SETD5: variants seen among roughly 807,000 people sequenced by gnomAD.
The protein encoded by SETD5 is SET domain containing 5.
A neutral mutation model predicts 153.3 loss-of-function variants in SETD5; 44 were observed. The ratio of observed to expected loss-of-function variants is 0.29; its 90% CI spans 0.23 to 0.37. The LOEUF (loss-of-function observed/expected upper bound fraction) is 0.37, where lower values mean the gene tolerates loss of function less well. SETD5 is among the 10% of genes least tolerant of loss of function. The pLI, the probability that SETD5 is intolerant of heterozygous loss-of-function variation, is 1.00. For synonymous variants in SETD5, 716 were observed against 645.2 expected, an observed-to-expected ratio of 1.11 and a Z score of -1.66; for missense variants, 1,544 against 1,768.0, an observed-to-expected ratio of 0.87 and a Z score of 2.27.
chr3:9,412,387 GTTTT>G (rs370566998), intron 1 of SETD5, among the ~76,000 whole-genome samples: 32 of 89,540 alleles, frequency 3.6e-4, no homozygotes, highest in South Asian at 9.2e-4. Context: ...ACAGTTTTGG[GTTTT>G]TTTTTTTTTT....
rs565818481 is a variant in SETD5, at chr3:9,448,926, G to C, written c.2346+296G>C. Among the ~76,000 whole-genome samples the C allele has an allele frequency of 2.2e-4, 33 of 152,240 alleles. 1 individual carries two copies. In the South Asian group the frequency reaches 5.8e-3, roughly 27 times the overall value. On this transcript the variant is annotated intron_variant, in intron 16 of 22. Coordinates refer to ENST00000402198, the MANE Select transcript of SETD5 (RefSeq NM_001080517.3). ...GAGAGCACACAGCAGTGGATGACTG[G>C]GTAGAGACGGATATGTTTTGTGTGT...
intron 2 of SETD5, among the ~76,000 whole-genome samples, chr3:9,425,054 T>G (rs539045637): frequency 5.5e-4 from 80 of 145,258 alleles, no homozygotes; most frequent in African/African-American, 2.1e-3. Context: ...CGACAATGTT[T>G]CTTTTTTTTT....
At chr3:9,440,418 A>T (rs779641574) in intron 7 of SETD5, 38 bp from the exon 8 acceptor site, 2 of 1,129,678 alleles carry the variant, frequency 1.8e-6, no homozygotes, top group East Asian at 4.7e-5. Context: ...CTATTTATGC[A>T]TGGACTTTAC....
At chr3:9,412,249 G>A (rs924605064) in intron 1 of SETD5, among the ~76,000 whole-genome samples, 2 of 151,852 alleles carry the variant, frequency 1.3e-5, no homozygotes, top group Non-Finnish European at 2.9e-5. Flanking sequence ...GTTGTAGAGT[G>A]CTATAAGGAA....
rs978355562 is a variant in SETD5, at chr3:9,434,930, G to A, written c.388+48G>A. ...CCACAATTTGACATAAAAATATTCTGTGATCTGAATGTTCATTTTAAGAAC... is the reference window on the plus strand; with the variant it reads ...CCACAATTTGACATAAAAATATTCTATGATCTGAATGTTCATTTTAAGAAC... On this transcript the variant is annotated intron_variant, in intron 6 of 22. Coordinates refer to ENST00000402198, the MANE Select transcript of SETD5 (RefSeq NM_001080517.3). This position sits in a 1 kb window ranked among gnomAD's most constrained non-coding sequence, Gnocchi z 5.6. 6 of 1,590,862 alleles carry A rather than the reference G, an allele frequency of 3.8e-6. No individual in the cohort carries two copies. Among genetic ancestry groups the A allele is most frequent in the South Asian group, 1.1e-5 (1 of 87,386 alleles).
In SETD5 at chr3:9,447,234, C is replaced by G. The variant is rs761655087; in HGVS notation, c.1709C>G (p.Ser570Cys). The G allele has an allele frequency of 6.2e-7, 1 of 1,614,050 alleles. No individual in the cohort carries two copies. The highest frequency in any genetic ancestry group is 1.7e-5 in the Admixed American group (1 of 60,034). Residue 570 changes from serine to cysteine, a missense_variant, in exon 14 of 23, where the codon TCT (serine) becomes TGT (cysteine). By Grantham distance (112) the Ser-to-Cys change is moderately radical. Around this residue, in one of 9 missense-constraint regions of SETD5, gnomAD observed 782 missense variants for 787.2 expected, o/e 0.99. Coordinates refer to ENST00000402198, the MANE Select transcript of SETD5 (RefSeq NM_001080517.3). ...GCCCCTGAATCTGAAGTTAGCAACT[C>G]TGTTTCAAATGTTACCATCCCAAGC... ...TEAPESEVSN[S>C]VSNVTIPSTP...
intron 7 of SETD5, among the ~76,000 whole-genome samples, chr3:9,439,670 G>A (rs1217732504): frequency 6.6e-6 from 1 of 152,188 alleles, no homozygotes; most frequent in East Asian, 1.9e-4. Context: ...CTGTTCCTGA[G>A]TTGTAGTAAT....
At chr3:9,463,750 A>G (rs1334756226) in intron 17 of SETD5, among the ~76,000 whole-genome samples, 2 of 152,264 alleles carry the variant, frequency 1.3e-5, no homozygotes, top group Admixed American at 6.5e-5. Context: ...ATTTGGATTT[A>G]GCATCCCAGT....
intron 22 of SETD5, 43 bp from the exon 23 acceptor site, chr3:9,475,440 G>A (rs201649612): frequency 4.1e-5 from 65 of 1,571,854 alleles, no homozygotes; most frequent in Non-Finnish European, 7.8e-6. Context: ...CCATTTAAGG[G>A]ACTTGTTCGC....
intron 20 of SETD5, 143 bp downstream of exon 20, chr3:9,473,680 G>C: frequency 1.2e-6 from 1 of 843,914 alleles, no homozygotes. Context: ...CATCTGTCCT[G>C]TTCAGCTGAT....
intron 3 of SETD5, chr3:9,431,300 T>C (rs2039936274): frequency 2.0e-6 from 2 of 985,298 alleles, no homozygotes; most frequent in East Asian, 1.1e-4. Flanking sequence ...ATGTTGTACT[T>C]AGAACACTGT....
chr3:9,474,778 C>A, intron 21 of SETD5, 196 bp downstream of exon 21: 1 of 724,566 alleles, frequency 1.4e-6, no homozygotes, highest in Non-Finnish European at 2.2e-6. Context: ...TCTCTGTCTG[C>A]TCTTTTTTCC....
rs1340730852 is a variant in SETD5, at chr3:9,470,002, T to TC, written c.2725-451dup. The stretch of plus-strand genomic sequence containing the variant: ...TTCTCCTTCCTCCACCTTTTTCCCT[T>TC]CCCCCCACCTTCCATCAATATTAAT... On this transcript the variant is annotated intron_variant, in intron 18 of 22. Transcript: ENST00000402198. 4.6e-5 allele frequency among the ~76,000 whole-genome samples: 7 copies of TC among 152,086 alleles called. No individual in the cohort carries two copies. The South Asian group carries it at 6.2e-4, about 14-fold the overall frequency.
intron 3 of SETD5, chr3:9,429,253 G>A (rs1359535857): frequency 7.3e-6 from 2 of 273,862 alleles, no homozygotes; most frequent in South Asian, 7.1e-5. Context: ...TTGCAAAGTA[G>A]GAATTCATTT....
At chr3:9,409,410 T>G (rs2036215727) in intron 1 of SETD5, among the ~76,000 whole-genome samples, 1 of 152,218 alleles carries the variant, frequency 6.6e-6, no homozygotes, top group Non-Finnish European at 1.5e-5. Context: ...TATTATTGTG[T>G]ACTCATGGTT....
chr3:9,441,858 T>G, intron 9 of SETD5, 117 bp downstream of exon 9: 3 of 1,258,238 alleles, frequency 2.4e-6, no homozygotes, highest in Non-Finnish European at 2.3e-6. Flanking sequence ...ACAACTCAGA[T>G]AAGCTCACAC....
At position 9,464,618 on chromosome 3, in the gene SETD5, A is replaced by G. The variant is rs1444734288; in HGVS notation, c.2670A>G (p.Ser890=). Residue 890 remains serine, a synonymous_variant, in exon 18 of 23, where the codon TCA becomes TCG. Transcript: ENST00000402198. The part of the protein sequence containing the change: ...ECRNGYSLMF[S]PVTSLTTASR... ...GAAATGGATACAGCCTCATGTTTTC[A>G]CCAGTCACATCTCTTACTACTGCTA... The G allele has an allele frequency of 1.2e-6, 2 of 1,613,800 alleles. No individual in the cohort carries two copies. Among genetic ancestry groups the G allele is most frequent in the African/African-American group, 2.7e-5 (2 of 74,882 alleles).
At chr3:9,444,699 TAG>T (rs1037563143) in intron 11 of SETD5, among the ~76,000 whole-genome samples, 13 of 151,636 alleles carry the variant, frequency 8.6e-5, no homozygotes, top group African/African-American at 3.2e-4. Flanking sequence ...AAGACCAGCC[TAG>T]ACAACATGGC....
At position 9,420,669 on chromosome 3, in the gene SETD5, T is replaced by G. The variant is rs2038235025; in HGVS notation, c.-176-3798T>G. 2.0e-5 allele frequency among the ~76,000 whole-genome samples: 3 copies of G among 152,326 alleles called. No individual in the cohort carries two copies. The South Asian group carries it at 6.2e-4, about 32-fold the overall frequency. ...TTTTTTCCTTTCAGTCCCGAACCCC[T>G]AAAATTCTTTGCTTGCATTAACTTG... On this transcript the variant is annotated intron_variant, in intron 1 of 22. Transcript: ENST00000402198.
Sources: gnomAD v4.1 joint callset for allele counts (sites outside exome capture counted in the v4.1 genomes callset) on GRCh38, gnomAD v4.1.1 for gene constraint, gnomAD v4.1.1 regional missense constraint, Gnocchi (gnomAD v3.1) non-coding constraint, MANE v1.5 for transcripts, NCBI Gene and HGNC (gene_info 2026-07-23, HGNC 2026-07-21) for gene names.